The following BEND6 variants were observed in gnomAD, a reference collection of about 807,000 sequenced individuals.
BEND6 encodes BEN domain-containing protein 6.
In BEND6, 24 loss-of-function variants were observed where a neutral mutation model predicts 31.8. That is an observed-to-expected ratio of 0.75 (90% CI 0.55 to 1.06). The LOEUF (loss-of-function observed/expected upper bound fraction) is 1.06. BEND6 is among the 50% of genes least tolerant of loss of function. The pLI is 0.00. For synonymous variants in BEND6, 109 were observed against 114.6 expected (o/e 0.95, Z 0.31); for missense variants, 294 against 327.4 (o/e 0.90, Z 0.79).
At chr6:56,965,914 TTAAAGCAAAAAGCA>T (rs1191770822) in intron 1 of BEND6, among the ~76,000 whole-genome samples, 1 of 152,062 alleles carries the variant, frequency 6.6e-6, no homozygotes, top group African/African-American at 2.4e-5. Flanking sequence ...ATACATTTAC[TTAAAGCAAAAAGCA>T]TAATAATCTC....
chr6:56,990,707 A>G (rs1304553164), intron 2 of BEND6, among the ~76,000 whole-genome samples: 1 of 152,202 alleles, frequency 6.6e-6, no homozygotes, highest in Non-Finnish European at 1.5e-5. Context: ...CTGTTCTTCC[A>G]TATAAATTTT....
At chr6:57,000,835 C>T (rs1387014400) in intron 3 of BEND6, among the ~76,000 whole-genome samples, 2 of 148,390 alleles carry the variant, frequency 1.3e-5, no homozygotes, top group Middle Eastern at 3.3e-3. Flanking sequence ...TTGTTCCTCC[C>T]ATGTAAGCTG....
intron 1 of BEND6, among the ~76,000 whole-genome samples, chr6:56,977,863 G>A (rs1035313076): frequency 2.6e-5 from 4 of 152,222 alleles, no homozygotes; most frequent in African/African-American, 4.8e-5. Flanking sequence ...AAGCCAAGAC[G>A]GGAGGATCAC....
At chr6:56,997,512 C>G (rs6901192) in intron 3 of BEND6, among the ~76,000 whole-genome samples, 32,376 of 152,142 alleles carry the variant, frequency 0.21, 3,603 homozygotes, top group Middle Eastern at 0.23. Context: ...AAGTCAGGAA[C>G]TGCCTACTGC....
Position 56,981,711 on chromosome 6 carries a change from G to C in BEND6, c.-100G>C. On this transcript the variant is annotated splice_region_variant and 5_prime_UTR_variant, in exon 2 of 7. Transcript: ENST00000370746. The stretch of plus-strand genomic sequence containing the variant: ...TCATGTTTTTGTTTTTGTTTTTAAG[G>C]GAAAGCATTAACTTTTGAGCTACGT... 7.2e-7 allele frequency: 1 copy of C among 1,395,036 alleles called. No homozygotes were observed. Among genetic ancestry groups the C allele is most frequent in the Non-Finnish European group, 9.8e-7 (1 of 1,021,924 alleles). 86.4% of individuals were successfully genotyped at this position (1,395,036 alleles called of 1,614,324 possible).
At chr6:56,979,824 C>G (rs562478008) in intron 1 of BEND6, among the ~76,000 whole-genome samples, 1 of 152,232 alleles carries the variant, frequency 6.6e-6, no homozygotes, top group East Asian at 1.9e-4. Flanking sequence ...GTTTGTCAAC[C>G]CTGTTCTCAC....
chr6:56,997,917 A>G (rs1173101504), intron 3 of BEND6, among the ~76,000 whole-genome samples: 1 of 152,184 alleles, frequency 6.6e-6, no homozygotes, highest in African/African-American at 2.4e-5. Context: ...CTAAATACCG[A>G]GAAAACTCAA....
intron 3 of BEND6, chr6:57,014,548 G>A: frequency 2.0e-6 from 3 of 1,472,386 alleles, no homozygotes; most frequent in South Asian, 1.4e-5. Context: ...TTGAAAAAAG[G>A]AACAAAGAAA....
At chr6:57,003,162 T>C (rs1827009473) in intron 3 of BEND6, among the ~76,000 whole-genome samples, 1 of 151,942 alleles carries the variant, frequency 6.6e-6, no homozygotes, top group Non-Finnish European at 1.5e-5. Context: ...CAGAAAGAAA[T>C]TGAAACCCTA....
intron 1 of BEND6, among the ~76,000 whole-genome samples, chr6:56,963,568 C>T (rs1333424020): frequency 6.6e-6 from 1 of 152,058 alleles, no homozygotes; most frequent in Non-Finnish European, 1.5e-5. Context: ...CCTGGCTGTC[C>T]TTTATAAAAG....
intron 1 of BEND6, chr6:56,975,967 C>T (rs1180149837): frequency 4.0e-5 from 21 of 521,500 alleles, no homozygotes; most frequent in Middle Eastern, 3.4e-4. Flanking sequence ...CAGTCATGGT[C>T]GACGCCATGT....
intron 3 of BEND6, among the ~76,000 whole-genome samples, chr6:56,993,579 C>G (rs1245565233): frequency 6.6e-6 from 1 of 152,188 alleles, no homozygotes; most frequent in Non-Finnish European, 1.5e-5. Flanking sequence ...CACATCCTTT[C>G]CTAAGAATAT....
At chr6:57,018,266 A>G (rs1445480705) in intron 5 of BEND6, among the ~76,000 whole-genome samples, 155 bp from the exon 6 acceptor site, 8 of 152,180 alleles carry the variant, frequency 5.3e-5, no homozygotes, top group Non-Finnish European at 1.0e-4. Flanking sequence ...CTGCCTATAT[A>G]TTCATCTGTT....
intron 1 of BEND6, among the ~76,000 whole-genome samples, chr6:56,956,179 T>C (rs561527516): frequency 1.7e-4 from 26 of 152,388 alleles, no homozygotes; most frequent in African/African-American, 5.8e-4. Context: ...TTAATTATAG[T>C]GACAAGGTAA....
intron 1 of BEND6, among the ~76,000 whole-genome samples, chr6:56,966,850 C>G (rs1178969215): frequency 6.6e-6 from 1 of 152,070 alleles, no homozygotes; most frequent in Non-Finnish European, 1.5e-5. Flanking sequence ...CCAGTGATAC[C>G]AGCAATACTA....
intron 1 of BEND6, among the ~76,000 whole-genome samples, chr6:56,961,560 C>T (rs765395019): frequency 2.0e-5 from 3 of 152,118 alleles, no homozygotes; most frequent in African/African-American, 7.2e-5. Flanking sequence ...GCCTTCATGC[C>T]AATTAACTAC....
intron 1 of BEND6, among the ~76,000 whole-genome samples, chr6:56,969,163 TC>T (rs1592971790): frequency 6.6e-6 from 1 of 152,160 alleles, no homozygotes; most frequent in African/African-American, 2.4e-5. Context: ...CCAGTAGTTT[TC>T]CCTCTAGAAG....
intron 3 of BEND6, among the ~76,000 whole-genome samples, chr6:57,006,902 T>G (rs1325957018): frequency 6.6e-6 from 1 of 152,158 alleles, no homozygotes; most frequent in Admixed American, 6.5e-5. Flanking sequence ...TAGGACAGAA[T>G]AGAGAACTCA....
At chr6:56,982,259 A>G (rs536306132) in intron 2 of BEND6, among the ~76,000 whole-genome samples, 1 of 152,294 alleles carries the variant, frequency 6.6e-6, no homozygotes, top group South Asian at 2.1e-4. Context: ...AGTTAGAAAC[A>G]TACTCAACAA....
Sources: gnomAD v4.1 joint callset for allele counts (sites outside exome capture counted in the v4.1 genomes callset) on GRCh38, gnomAD v4.1.1 for gene constraint, MANE v1.5 for transcripts, NCBI Gene and HGNC (gene_info 2026-07-23, HGNC 2026-07-21) for gene names.